LARP4B: variants seen among roughly 807,000 people sequenced by gnomAD.
LARP4B encodes the protein la-related protein 4B.
Under a neutral mutation model 89.8 loss-of-function variants are expected in LARP4B, and 12 were observed. The observed-to-expected ratio is 0.13, with a 90% CI of 0.09 to 0.22. The LOEUF (loss-of-function observed/expected upper bound fraction) is 0.22. Ranked by LOEUF, LARP4B falls within the 10% of genes least tolerant of loss-of-function variation. The pLI is 1.00. For missense variants in LARP4B, 757 were observed against 947.7 expected, an observed-to-expected ratio of 0.80 and a Z score of 2.64; for synonymous variants, 367 against 363.3, an observed-to-expected ratio of 1.01 and a Z score of -0.12.
At chr10:914,436 T>C (rs1027117918) in intron 1 of LARP4B, among the ~76,000 whole-genome samples, 1 of 151,936 alleles carries the variant, frequency 6.6e-6, no homozygotes, top group African/African-American at 2.4e-5. Flanking sequence ...GAAAGGTAGG[T>C]TGCAGTGAGC....
At chr10:976,027 G>A in the LARP4B span, among the ~76,000 whole-genome samples, 3 of 102,190 alleles carry the variant, frequency 2.9e-5, no homozygotes, top group East Asian at 3.6e-4. Context: ...ATGTAGGCCT[G>A]TCGTGCAACG....
intron 5 of LARP4B, among the ~76,000 whole-genome samples, chr10:850,387 G>C (rs1833978884): frequency 6.6e-6 from 1 of 152,212 alleles, no homozygotes; most frequent in African/African-American, 2.4e-5. Flanking sequence ...TTACATTAAT[G>C]TGAGACAAAG....
chr10:851,181 T>C (rs1834030256), intron 5 of LARP4B, among the ~76,000 whole-genome samples: 1 of 117,130 alleles, frequency 8.5e-6, no homozygotes, highest in Non-Finnish European at 1.7e-5. Context: ...AAACACTAAC[T>C]TTTTTTTTTT....
At chr10:879,819 G>A (rs1013706399) in intron 3 of LARP4B, among the ~76,000 whole-genome samples, 1 of 152,008 alleles carries the variant, frequency 6.6e-6, no homozygotes, top group Non-Finnish European at 1.5e-5. Context: ...TGTTGCCCAG[G>A]CTGGAGTGCA....
At chr10:825,013 A>T in intron 13 of LARP4B, 52 bp downstream of exon 13, 1 of 1,486,226 alleles carries the variant, frequency 6.7e-7, no homozygotes, top group Non-Finnish European at 9.0e-7. Context: ...AAATTAAATA[A>T]TTTTTAAAAT....
intron 3 of LARP4B, among the ~76,000 whole-genome samples, chr10:883,337 C>T (rs935235633): frequency 1.3e-5 from 2 of 151,880 alleles, no homozygotes; most frequent in Non-Finnish European, 1.5e-5. Flanking sequence ...CATGGTGAAA[C>T]CATGTCTCTA....
At position 814,749 on chromosome 10, in the gene LARP4B, G is replaced by A; in HGVS notation, c.1922C>T (p.Ala641Val). The change falls in exon 17 of 18, where the codon GCC becomes GTC. Residue 641 changes from alanine (A) to valine (V), a missense_variant. By Grantham distance (64) the Ala-to-Val change is moderately conservative. Coordinates refer to ENST00000316157, the MANE Select transcript of LARP4B (RefSeq NM_015155.3). This position sits in a 1 kb window ranked among gnomAD's most constrained non-coding sequence, Gnocchi z 4.4. Reference protein sequence around the residue: ...TACKSVQVNGAATELRKPSYA... With the variant: ...TACKSVQVNGVATELRKPSYA... ...CAGGCACGAGGTACGTACCGTGGCG[G>A]CTCCGTTCACCTGCACCGATTTACA... 6.3e-7 allele frequency: 1 copy of A among 1,592,032 alleles called. No individual in the cohort carries two copies.
chr10:883,835 T>TG (rs528320678), intron 3 of LARP4B, among the ~76,000 whole-genome samples: 1,837 of 151,388 alleles, frequency 0.012, 22 homozygotes, highest in Middle Eastern at 0.027. Flanking sequence ...CTGCTTATAA[T>TG]GGGGGGGGAA....
chr10:935,804 C>T (rs571284753), upstream of LARP4B, among the ~76,000 whole-genome samples: 8 of 148,394 alleles, frequency 5.4e-5, no homozygotes, highest in East Asian at 4.0e-4. Flanking sequence ...CTGCAACCTG[C>T]GCCTACCGAG....
intron 13 of LARP4B, chr10:821,064 A>G (rs1832327484): frequency 1.8e-6 from 1 of 562,944 alleles, no homozygotes; most frequent in African/African-American, 1.9e-5. Context: ...AGTCCAGGCA[A>G]GTGATAAAGA....
the LARP4B span, among the ~76,000 whole-genome samples, chr10:940,095 G>A: frequency 2.8e-5 from 4 of 142,258 alleles, no homozygotes; most frequent in African/African-American, 5.3e-5. Context: ...TCGGCTCACC[G>A]CAACATCCAC....
the LARP4B span, among the ~76,000 whole-genome samples, chr10:954,404 T>G: frequency 6.6e-6 from 1 of 151,952 alleles, no homozygotes; most frequent in Admixed American, 6.5e-5. This position sits in a 1 kb window ranked among gnomAD's most constrained non-coding sequence, Gnocchi z 5.0. Context: ...AAGAAGTGTG[T>G]GATAAGGACA....
the LARP4B span, chr10:972,325 G>A: frequency 2.6e-6 from 1 of 377,454 alleles, no homozygotes; most frequent in South Asian, 2.0e-5. Context: ...ACCGCACCCA[G>A]CCTCTCTCTG....
the LARP4B span, among the ~76,000 whole-genome samples, chr10:942,945 CTT>C: frequency 1.8e-4 from 24 of 132,842 alleles, no homozygotes; most frequent in South Asian, 2.5e-4. Flanking sequence ...AAGCTGACTT[CTT>C]TTTTTTTTTT....
At chr10:872,825 T>C (rs1174692389) in intron 3 of LARP4B, among the ~76,000 whole-genome samples, 1 of 152,180 alleles carries the variant, frequency 6.6e-6, no homozygotes, top group Non-Finnish European at 1.5e-5. Flanking sequence ...ATCTGAATTC[T>C]TGTCATTCTC....
In LARP4B at chr10:892,452, A is replaced by G. The variant is rs1836058834; in HGVS notation, c.-39-6692T>C. Among the ~76,000 whole-genome samples, 3 of 152,252 alleles carry G rather than the reference A, an allele frequency of 2.0e-5. No individual in the cohort carries two copies. In the South Asian group the frequency reaches 6.2e-4, roughly 32 times the overall value. ...AACAGTTATTATGGTCTTTCTAGAC[A>G]CACAAGACAATCTTAAAAATACAAC... is the stretch of plus-strand genomic sequence containing the variant. On this transcript the variant is annotated intron_variant, in intron 1 of 17. Transcript: ENST00000316157.
rs1171323941 is a variant in LARP4B, at chr10:809,557, ATCTT to A, written c.*3365_*3368del. 6.6e-6 allele frequency: 1 copy of A among 152,414 alleles called. No individual in the cohort carries two copies. Among genetic ancestry groups the A allele is most frequent in the Non-Finnish European group, 1.5e-5 (1 of 68,052 alleles). 9.4% of individuals were successfully genotyped at this position (152,414 alleles called of 1,614,324 possible). On this transcript the variant is annotated 3_prime_UTR_variant, in exon 18 of 18. Coordinates refer to ENST00000316157, the MANE Select transcript of LARP4B (RefSeq NM_015155.3). ...AAAAGAAAAATTGAACAGTGCCTAAATCTTTATTTTCATAACCTACATTTTTTTT... is the reference window on the plus strand; with the variant it reads ...AAAAGAAAAATTGAACAGTGCCTAAATATTTTCATAACCTACATTTTTTTT...
At chr10:877,234 A>G (rs550785174) in intron 3 of LARP4B, among the ~76,000 whole-genome samples, 2 of 152,302 alleles carry the variant, frequency 1.3e-5, no homozygotes, top group Admixed American at 1.3e-4. Context: ...ATTAAAAGTT[A>G]GCTGGGTGTG....
At position 814,150 on chromosome 10, in the gene LARP4B, T is replaced by C. The variant is rs983357473; in HGVS notation, c.1929+592A>G. On this transcript the variant is annotated intron_variant, in intron 17 of 17. Coordinates refer to ENST00000316157, the MANE Select transcript of LARP4B (RefSeq NM_015155.3). The surrounding 1 kb of genome is among the most constrained non-coding windows in gnomAD (Gnocchi z 4.4). ...TATTAAAATTATTAATTTTAACCTA[T>C]AAAAAATCCTTTTTTAGACTCAGCC... Among the ~76,000 whole-genome samples, 9 of 151,862 alleles carry C rather than the reference T, an allele frequency of 5.9e-5. No homozygotes were observed. The highest frequency in any genetic ancestry group is 8.8e-5 in the Non-Finnish European group (6 of 67,998).
Sources: gnomAD v4.1 joint callset for allele counts (sites outside exome capture counted in the v4.1 genomes callset) on GRCh38, gnomAD v4.1.1 for gene constraint, Gnocchi (gnomAD v3.1) non-coding constraint, MANE v1.5 for transcripts, NCBI Gene and HGNC (gene_info 2026-07-23, HGNC 2026-07-21) for gene names.